The following GLIPR1L2 variants were observed in gnomAD, a reference collection of about 807,000 sequenced individuals.
The protein encoded by GLIPR1L2 is GLIPR1 like 2.
GLIPR1L2 carries 21 observed loss-of-function variants against 28.4 expected under a neutral mutation model. That is an observed-to-expected ratio of 0.74 (90% CI 0.52 to 1.06). GLIPR1L2 has a LOEUF of 1.06. Among genes scored for constraint, GLIPR1L2 ranks in the 50% least tolerant of loss-of-function variants. The pLI is 0.00. For missense variants in GLIPR1L2, 476 were observed against 416.9 expected, an observed-to-expected ratio of 1.14 and a Z score of -1.23; for synonymous variants, 145 against 139.3, an observed-to-expected ratio of 1.04 and a Z score of -0.29.
At chr12:75,393,059 A>G (rs917866264) in intron 1 of GLIPR1L2, among the ~76,000 whole-genome samples, 1 of 151,992 alleles carries the variant, frequency 6.6e-6, no homozygotes, top group African/African-American at 2.4e-5. Flanking sequence ...TAATGTATGT[A>G]CTTTTTATAA....
In GLIPR1L2 at chr12:75,431,719, A is replaced by G. The variant is rs1472220011; in HGVS notation, c.*558A>G. 1 of 152,058 alleles carries G rather than the reference A, an allele frequency of 6.6e-6. No individual in the cohort carries two copies. Among genetic ancestry groups the G allele is most frequent in the Admixed American group, 6.5e-5 (1 of 15,274 alleles). The allele number at this position is 152,058 out of a possible 1,614,324, so 9.4% of individuals were successfully genotyped here. A position where few individuals can be genotyped will look rare whatever the true frequency, so the allele number is the denominator to read the frequency against. ...AGTGGTACCTGTACATCCTGCTAGG[A>G]TGCAAACTTATTATTTATAATTAAT... On this transcript the variant is annotated 3_prime_UTR_variant, in exon 6 of 6. Transcript: ENST00000550916.
intron 3 of GLIPR1L2, among the ~76,000 whole-genome samples, chr12:75,419,766 T>C (rs1302673097): frequency 6.6e-6 from 1 of 152,186 alleles, no homozygotes; most frequent in Non-Finnish European, 1.5e-5. Context: ...CAGAAAGTGA[T>C]ATAAATAAAA....
At chr12:75,423,967 T>C (rs1014594337) in intron 4 of GLIPR1L2, 4 of 152,254 alleles carry the variant, frequency 2.6e-5, no homozygotes, top group African/African-American at 9.6e-5. Flanking sequence ...CAGTCTATCA[T>C]TGATGGGCAT....
chr12:75,421,112 A>G (rs2045971918), intron 3 of GLIPR1L2, among the ~76,000 whole-genome samples: 1 of 152,142 alleles, frequency 6.6e-6, no homozygotes, highest in African/African-American at 2.4e-5. Context: ...AGGAGACAAT[A>G]CATCTGCTTT....
chr12:75,398,328 CAAAAAA>C (rs71078729), intron 1 of GLIPR1L2, among the ~76,000 whole-genome samples: 23 of 87,914 alleles, frequency 2.6e-4, no homozygotes, highest in South Asian at 2.1e-3. Flanking sequence ...GACTCCATCT[CAAAAAA>C]AAAAAAAAAA....
At chr12:75,413,384 T>C (rs2045890972) in intron 2 of GLIPR1L2, among the ~76,000 whole-genome samples, 1 of 151,848 alleles carries the variant, frequency 6.6e-6, no homozygotes, top group Non-Finnish European at 1.5e-5. Context: ...AATATGTTAT[T>C]GGTAGAACCT....
intron 1 of GLIPR1L2, among the ~76,000 whole-genome samples, chr12:75,394,262 G>A (rs551278304): frequency 1.3e-5 from 2 of 152,022 alleles, no homozygotes; most frequent in East Asian, 3.9e-4. Context: ...AGTTTTTAAC[G>A]TCAATGAAGT....
intron 1 of GLIPR1L2, among the ~76,000 whole-genome samples, chr12:75,404,604 A>G (rs1487061086): frequency 6.6e-6 from 1 of 152,148 alleles, no homozygotes; most frequent in East Asian, 1.9e-4. Context: ...GCCTAAGAAC[A>G]CATGTACAAA....
At chr12:75,400,285 A>T (rs1320227923) in intron 1 of GLIPR1L2, among the ~76,000 whole-genome samples, 1 of 150,710 alleles carries the variant, frequency 6.6e-6, no homozygotes, top group Non-Finnish European at 1.5e-5. Context: ...CGCCCGGCTA[A>T]TTTTTTTTTG....
At chr12:75,424,527 C>T (rs1247111015) in intron 4 of GLIPR1L2, among the ~76,000 whole-genome samples, 3 of 152,176 alleles carry the variant, frequency 2.0e-5, no homozygotes, top group South Asian at 2.1e-4. Flanking sequence ...CTCACTGTAA[C>T]GTCGAATTCC....
intron 3 of GLIPR1L2, among the ~76,000 whole-genome samples, chr12:75,416,309 A>G (rs943192820): frequency 6.6e-6 from 1 of 152,168 alleles, no homozygotes; most frequent in African/African-American, 2.4e-5. Context: ...AGATAGCCAT[A>G]TGAAAGTATG....
intron 1 of GLIPR1L2, 165 bp downstream of exon 1, chr12:75,391,515 C>T (rs774397684): frequency 1.3e-6 from 2 of 1,533,648 alleles, no homozygotes; most frequent in Non-Finnish European, 1.7e-6. Flanking sequence ...AGAAAAACTG[C>T]GGACACTCTA....
intron 4 of GLIPR1L2, among the ~76,000 whole-genome samples, chr12:75,426,807 T>G (rs528007424): frequency 4.1e-4 from 62 of 152,296 alleles, no homozygotes; most frequent in African/African-American, 1.4e-3. Flanking sequence ...AACCAAGAAT[T>G]TATATACAGC....
chr12:75,407,807 A>G (rs1785541233), intron 1 of GLIPR1L2, among the ~76,000 whole-genome samples: 1 of 152,084 alleles, frequency 6.6e-6, no homozygotes, highest in South Asian at 2.1e-4. Context: ...TCTTGACAGC[A>G]TGTAACCTTG....
intron 3 of GLIPR1L2, among the ~76,000 whole-genome samples, chr12:75,422,448 A>G (rs1482809539): frequency 1.3e-5 from 2 of 151,714 alleles, no homozygotes; most frequent in Non-Finnish European, 1.5e-5. Context: ...GACTACAGGC[A>G]CCTGCCACCG....
intron 2 of GLIPR1L2, 123 bp from the exon 3 acceptor site, chr12:75,413,475 T>C (rs1320062212): frequency 5.1e-6 from 3 of 591,522 alleles, no homozygotes; most frequent in Non-Finnish European, 8.8e-6. Flanking sequence ...TAAATGAAAA[T>C]AGTTTATATT....
chr12:75,400,715 TTCAC>T (rs1384957241), intron 1 of GLIPR1L2, among the ~76,000 whole-genome samples: 2 of 152,164 alleles, frequency 1.3e-5, no homozygotes, highest in African/African-American at 4.8e-5. Flanking sequence ...TGTTGATAAT[TTCAC>T]TGGAGATTAT....
At chr12:75,396,608 T>C (rs1370858641) in intron 1 of GLIPR1L2, among the ~76,000 whole-genome samples, 1 of 152,200 alleles carries the variant, frequency 6.6e-6, no homozygotes, top group African/African-American at 2.4e-5. Flanking sequence ...ACTGTTGCTT[T>C]TGAGGTTTCT....
chr12:75,395,997 A>ATT (rs2045678041), intron 1 of GLIPR1L2, among the ~76,000 whole-genome samples: 1 of 152,038 alleles, frequency 6.6e-6, no homozygotes, highest in African/African-American at 2.4e-5. Context: ...TTTTAAAAAA[A>ATT]ATGTAAGCTC....
Sources: allele counts gnomAD v4.1 joint callset (sites outside exome capture counted in the v4.1 genomes callset), GRCh38; gene constraint gnomAD v4.1.1; transcripts MANE v1.5; gene names NCBI Gene and HGNC (gene_info 2026-07-23, HGNC 2026-07-21).